The following TLN2 variants were observed in gnomAD, a reference collection of about 807,000 sequenced individuals.
The protein encoded by TLN2 is talin 2, also known as talin-2.
In TLN2, 118 loss-of-function variants were observed where a neutral mutation model predicts 294.7. That is an observed-to-expected ratio of 0.40 (90% CI 0.34 to 0.47). The LOEUF (loss-of-function observed/expected upper bound fraction) is 0.47. TLN2 is among the 20% of genes least tolerant of loss of function. The probability of loss-of-function intolerance (pLI) is 0.84; values close to 1 mark genes in which losing one functional copy is unlikely to be tolerated. For missense variants in TLN2, 3,083 were observed against 3,282.2 expected, an observed-to-expected ratio of 0.94 and a Z score of 1.48; for synonymous variants, 1,431 against 1,304.5, an observed-to-expected ratio of 1.10 and a Z score of -2.09.
intron 28 of TLN2, among the ~76,000 whole-genome samples, chr15:62,727,877 G>A (rs375510095): frequency 1.8e-4 from 28 of 151,962 alleles, no homozygotes; most frequent in African/African-American, 5.5e-4. Flanking sequence ...GAATTGAGTG[G>A]CTCTAGGAGT....
In TLN2 at chr15:62,840,920, A is replaced by G. The variant is rs2070611946; in HGVS notation, c.*310A>G. ...GAAAAGTCAGTATTATGTTGTTCTC[A>G]GACACTTTGGCTTTTGTTGGTCCTT... On this transcript the variant is annotated 3_prime_UTR_variant, in exon 59 of 59. Transcript: ENST00000636159. The G allele has an allele frequency of 1.3e-5, 3 of 236,920 alleles. No individual in the cohort carries two copies. Among genetic ancestry groups the G allele is most frequent in the Non-Finnish European group, 8.0e-6 (1 of 125,688 alleles). The allele number at this position is 236,920 out of a possible 1,614,324, so 14.7% of individuals were successfully genotyped here. A position where few individuals can be genotyped will look rare whatever the true frequency, so the allele number is the denominator to read the frequency against.
chr15:62,721,454 C>T (rs968934653), intron 25 of TLN2, among the ~76,000 whole-genome samples: 33 of 151,946 alleles, frequency 2.2e-4, no homozygotes, highest in African/African-American at 7.7e-4. Context: ...TTTTATTATG[C>T]AAAATTATGT....
chr15:62,723,590 C>A lies in TLN2; in HGVS notation c.3126+1103C>A, dbSNP rs377653096. ...ACAGGGTCTTGCCCTGTTGCACAGA[C>A]TGGAGTACAGTGGTGCAGTCATGGC... On this transcript the variant is annotated intron_variant, in intron 26 of 58. Transcript: ENST00000636159. Among the ~76,000 whole-genome samples, 6 of 132,382 alleles carry A rather than the reference C, an allele frequency of 4.5e-5. No individual in the cohort carries two copies. In the East Asian group the frequency reaches 9.1e-4, roughly 20 times the overall value. The allele number at this position is 132,382 out of a possible 152,430, so 86.8% of individuals were successfully genotyped here.
chr15:62,765,258 T>G (rs1289242231), intron 40 of TLN2, among the ~76,000 whole-genome samples: 1 of 152,086 alleles, frequency 6.6e-6, no homozygotes, highest in Non-Finnish European at 1.5e-5. Flanking sequence ...AATAAAACCC[T>G]TGGCCGTCTT....
At chr15:62,470,982 T>G (rs928079461) in intron 1 of TLN2, among the ~76,000 whole-genome samples, 4 of 152,232 alleles carry the variant, frequency 2.6e-5, no homozygotes, top group Non-Finnish European at 5.9e-5. Context: ...GAAGAAGCTC[T>G]TGAATATCTG....
At chr15:62,642,706 T>G (rs2051281865) in intron 3 of TLN2, among the ~76,000 whole-genome samples, 2 of 151,592 alleles carry the variant, frequency 1.3e-5, no homozygotes, top group South Asian at 2.1e-4. Flanking sequence ...TTTCTGTTTT[T>G]TTTTTTTTTG....
intron 43 of TLN2, among the ~76,000 whole-genome samples, chr15:62,777,363 C>G (rs1043038421): frequency 5.3e-5 from 8 of 151,974 alleles, no homozygotes; most frequent in African/African-American, 1.9e-4. Context: ...ATGGTAAAAC[C>G]CTGTTTCTAC....
At chr15:62,566,924 A>G (rs940016462) in intron 1 of TLN2, among the ~76,000 whole-genome samples, 3 of 152,064 alleles carry the variant, frequency 2.0e-5, no homozygotes, top group African/African-American at 7.2e-5. Flanking sequence ...TAGAAAATAT[A>G]TACAGAATTA....
At chr15:62,759,759 C>A (rs772808888) in intron 37 of TLN2, among the ~76,000 whole-genome samples, 1 of 152,180 alleles carries the variant, frequency 6.6e-6, no homozygotes, top group Non-Finnish European at 1.5e-5. Context: ...AGCCATGTAG[C>A]CACTGGTGGG....
chr15:62,399,278 A>AC (rs2140233441), intron 1 of TLN2, among the ~76,000 whole-genome samples: 1 of 150,840 alleles, frequency 6.6e-6, no homozygotes, highest in Admixed American at 6.6e-5. Flanking sequence ...AAAAAAAAAA[A>AC]AAAAAAAGTA....
At position 62,819,604 on chromosome 15, in the gene TLN2, C is replaced by G; in HGVS notation, c.6860C>G (p.Ala2287Gly). 1 of 1,611,166 alleles carries G rather than the reference C, an allele frequency of 6.2e-7. No individual in the cohort carries two copies. The highest frequency in any genetic ancestry group is 8.5e-7 in the Non-Finnish European group (1 of 1,179,974). The change falls in exon 53 of 59, where the codon GCG becomes GGG. Residue 2287 changes from alanine to glycine, a missense_variant. Ala to Gly is a moderately conservative substitution (Grantham distance 60, BLOSUM62 0). Transcript: ENST00000636159. The part of the protein sequence containing the change: ...VAGAVTELIQ[A>G]AEAMKGTEWV... ...GGCGCTGTGACAGAGCTCATCCAGGCGGCGGAAGCCATGAAAGGTAGGCTG... is the reference window on the plus strand; with the variant it reads ...GGCGCTGTGACAGAGCTCATCCAGGGGGCGGAAGCCATGAAAGGTAGGCTG...
chr15:62,617,532 C>A (rs1004156779), intron 2 of TLN2, among the ~76,000 whole-genome samples: 1 of 152,164 alleles, frequency 6.6e-6, no homozygotes, highest in Non-Finnish European at 1.5e-5. Context: ...GTACACTGGC[C>A]ACTGTCACCC....
intron 1 of TLN2, among the ~76,000 whole-genome samples, chr15:62,450,383 G>A (rs1157094925): frequency 2.0e-5 from 3 of 152,136 alleles, no homozygotes; most frequent in Admixed American, 6.5e-5. Context: ...ACTCGGGCAC[G>A]AGTTTAACTT....
At chr15:62,430,447 T>G (rs1199026754) in intron 1 of TLN2, among the ~76,000 whole-genome samples, 1 of 152,216 alleles carries the variant, frequency 6.6e-6, no homozygotes, top group Admixed American at 6.5e-5. Flanking sequence ...TAGCTTCTGT[T>G]TTGTTCGCTA....
intron 2 of TLN2, among the ~76,000 whole-genome samples, chr15:62,595,412 CAAAA>C (rs35989710): frequency 1.2e-5 from 1 of 82,180 alleles, no homozygotes; most frequent in Non-Finnish European, 2.4e-5. Context: ...GACTCCGTCT[CAAAA>C]AAAAAAAAAA....
intron 1 of TLN2, among the ~76,000 whole-genome samples, chr15:62,535,070 A>C (rs2041260790): frequency 6.6e-6 from 1 of 152,132 alleles, no homozygotes; most frequent in Admixed American, 6.5e-5. Flanking sequence ...TGGAAACTTG[A>C]GTAGATTTTA....
At chr15:62,821,089 C>T (rs2067526506) in intron 54 of TLN2, among the ~76,000 whole-genome samples, 1 of 152,166 alleles carries the variant, frequency 6.6e-6, no homozygotes, top group South Asian at 2.1e-4. Context: ...TTTTTTCCTT[C>T]TGTGTTTGTC....
intron 11 of TLN2, among the ~76,000 whole-genome samples, chr15:62,679,985 C>T (rs1336623332): frequency 6.6e-6 from 1 of 152,222 alleles, no homozygotes; most frequent in African/African-American, 2.4e-5. Flanking sequence ...TCTAGTTCAG[C>T]ACATCTATAT....
At chr15:62,472,868 GGA>G (rs1488460232) in intron 1 of TLN2, among the ~76,000 whole-genome samples, 1 of 152,234 alleles carries the variant, frequency 6.6e-6, no homozygotes, top group Non-Finnish European at 1.5e-5. Context: ...GCTTGGAGGA[GGA>G]GAGGCAAGGA....
Sources: gnomAD v4.1 joint callset for allele counts (sites outside exome capture counted in the v4.1 genomes callset) on GRCh38, gnomAD v4.1.1 for gene constraint, MANE v1.5 for transcripts, NCBI Gene and HGNC (gene_info 2026-07-23, HGNC 2026-07-21) for gene names.